The following UBE4B variants were observed in gnomAD, a reference collection of about 807,000 sequenced individuals.
UBE4B encodes the protein ubiquitin conjugation factor E4 B.
A neutral mutation model predicts 148.1 loss-of-function variants in UBE4B; 27 were observed. The observed-to-expected ratio is 0.18, with a 90% CI of 0.13 to 0.25. UBE4B has a LOEUF of 0.25. Ranked by LOEUF, UBE4B falls within the 10% of genes least tolerant of loss-of-function variation. The pLI, the probability that UBE4B is intolerant of heterozygous loss-of-function variation, is 1.00. For synonymous variants in UBE4B, 596 were observed against 619.3 expected (o/e 0.96, Z 0.56); for missense variants, 1,170 against 1,662.4 (o/e 0.70, Z 5.15).
chr1:10,177,527 G>A (rs1003643977), intron 25 of UBE4B, among the ~76,000 whole-genome samples: 8 of 152,038 alleles, frequency 5.3e-5, no homozygotes, highest in Admixed American at 4.6e-4. Context: ...ATAGTGGCAT[G>A]CACCTGTAGT....
Position 10,132,407 on chromosome 1 carries a change from T to C in UBE4B, c.1950T>C (p.Asn650=), listed in dbSNP as rs1461004422. 1 of 1,614,226 alleles carries C rather than the reference T, an allele frequency of 6.2e-7. No homozygotes were observed. Among genetic ancestry groups the C allele is most frequent in the Non-Finnish European group, 8.5e-7 (1 of 1,180,042 alleles). Residue 650 remains asparagine (N), a synonymous_variant, in exon 15 of 28, where the codon AAT becomes AAC. Coordinates refer to ENST00000343090, the MANE Select transcript of UBE4B (RefSeq NM_001105562.3). ...AGATTCTGCATAGTATTTTGTTAAATGGCGAAACCCGTGAGGCTGCTCTCA... is the reference window on the plus strand; with the variant it reads ...AGATTCTGCATAGTATTTTGTTAAACGGCGAAACCCGTGAGGCTGCTCTCA... The part of the protein sequence containing the change: ...LFKILHSILL[N]GETREAALSY...
rs780281209 is a variant in UBE4B, at chr1:10,135,000, T to C, written c.2038T>C (p.Leu680=). Residue 680 remains leucine (L), a synonymous_variant, in exon 16 of 28, where the codon TTG becomes CTG. Transcript: ENST00000343090. ...KKAQMQTDDR[L]VSTDGFMLNF... The stretch of plus-strand genomic sequence containing the variant: ...TCAACTTTCACAGACAGATGATAGA[T>C]TGGTGTCTACAGATGGATTTATGCT... 9 of 1,613,944 alleles carry C rather than the reference T, an allele frequency of 5.6e-6. No homozygotes were observed. The Admixed American group carries it at 8.3e-5, about 15-fold the overall frequency.
At chr1:10,043,421 CTTTTTTT>C (rs35513799) in intron 1 of UBE4B, among the ~76,000 whole-genome samples, 3 of 110,852 alleles carry the variant, frequency 2.7e-5, no homozygotes, top group Admixed American at 1.1e-4. Context: ...TGAGATGCTG[CTTTTTTT>C]TTTTTTTTTT....
intron 1 of UBE4B, among the ~76,000 whole-genome samples, chr1:10,067,298 TA>T (rs1200269239): frequency 6.6e-6 from 1 of 152,164 alleles, no homozygotes; most frequent in Non-Finnish European, 1.5e-5. Context: ...AGAAAAACTC[TA>T]GGAATGAGAT....
chr1:10,062,580 G>A (rs1425631501), intron 1 of UBE4B, among the ~76,000 whole-genome samples: 1 of 151,508 alleles, frequency 6.6e-6, no homozygotes, highest in Non-Finnish European at 1.5e-5. Context: ...CCAAAGTGTT[G>A]GGGCTGCAGG....
chr1:10,142,786 C>G (rs1418276022), intron 17 of UBE4B, among the ~76,000 whole-genome samples: 3 of 152,130 alleles, frequency 2.0e-5, no homozygotes, highest in South Asian at 2.1e-4. Context: ...CCCCACCCCA[C>G]CCCACCTTAC....
rs773899176 is a variant in UBE4B, at chr1:10,095,540, T to G, written c.291T>G (p.Ser97=). Residue 97 remains serine, a synonymous_variant, in exon 3 of 28, where the codon TCT becomes TCG. Transcript: ENST00000343090. ...CCTCTAATAGCCTTGAAACGCAATC[T>G]CAGTCTCTCTCACGTTCCCAGAGCA... ...SSPSNSLETQ[S]QSLSRSQSMD... is the part of the protein sequence containing the mutation. 1.2e-6 allele frequency: 2 copies of G among 1,614,032 alleles called. No individual in the cohort carries two copies. Among genetic ancestry groups the G allele is most frequent in the African/African-American group, 2.7e-5 (2 of 74,904 alleles).
chr1:10,150,842 A>G (rs1645960925), intron 20 of UBE4B, among the ~76,000 whole-genome samples: 1 of 144,614 alleles, frequency 6.9e-6, no homozygotes, highest in Admixed American at 7.2e-5. Context: ...CCTGGGCAAC[A>G]CAGCGAGGCT....
chr1:10,149,214 C>G lies in UBE4B; in HGVS notation c.2622C>G (p.Pro874=), dbSNP rs771076432. Residue 874 remains proline (P), a synonymous_variant, in exon 20 of 28, where the codon CCC becomes CCG. Transcript: ENST00000343090. ...DITLPLNSDV[P]KVFAALPEFY... is the part of the protein sequence containing the mutation. ...CACTGCCTTTAAATTCAGATGTCCC[C>G]AAGGTATTTGCAGCGTTGCCTGAGT... is the stretch of plus-strand genomic sequence containing the variant. 1.2e-6 allele frequency: 2 copies of G among 1,609,336 alleles called. No individual in the cohort carries two copies. Among genetic ancestry groups the G allele is most frequent in the Non-Finnish European group, 1.7e-6 (2 of 1,178,738 alleles).
intron 2 of UBE4B, among the ~76,000 whole-genome samples, chr1:10,077,124 G>T (rs1644597528): frequency 6.6e-6 from 1 of 152,136 alleles, no homozygotes; most frequent in Admixed American, 6.5e-5. Context: ...ACTTTTGAAG[G>T]CTTACAGCAG....
chr1:10,077,355 T>C (rs1223678450), intron 2 of UBE4B, among the ~76,000 whole-genome samples: 1 of 152,176 alleles, frequency 6.6e-6, no homozygotes, highest in East Asian at 1.9e-4. Flanking sequence ...TTCCCTCTTA[T>C]GACAGCCACT....
chr1:10,055,814 G>A (rs1644156393), intron 1 of UBE4B, among the ~76,000 whole-genome samples: 1 of 152,158 alleles, frequency 6.6e-6, no homozygotes. Context: ...CAGCTACTTG[G>A]GAGGCTGAGG....
At chr1:10,158,958 C>T (rs745814211) in intron 22 of UBE4B, among the ~76,000 whole-genome samples, 15 of 147,634 alleles carry the variant, frequency 1.0e-4, no homozygotes, top group African/African-American at 3.3e-4. Context: ...TGCAGTGAGC[C>T]GAGATTGTGC....
In UBE4B at chr1:10,126,829, T is replaced by C. The variant is rs1645507188; in HGVS notation, c.1590T>C (p.Ala530=). 1.2e-6 allele frequency: 2 copies of C among 1,614,052 alleles called. No homozygotes were observed. The highest frequency in any genetic ancestry group is 1.7e-6 in the Non-Finnish European group (2 of 1,180,026). The change falls in exon 11 of 28, where the codon GCT becomes GCC. Residue 530 remains alanine, a synonymous_variant. Transcript: ENST00000343090. ...CCATTTTACAAGGCCTGGCTCTTGC[T>C]GCCAAAGAGTGCTCCCTCGACAGTG... is the stretch of plus-strand genomic sequence containing the variant. The part of the protein sequence containing the change: ...FIPILQGLAL[A]AKECSLDSDY...
At chr1:10,052,487 C>T (rs1047123362) in intron 1 of UBE4B, among the ~76,000 whole-genome samples, 21 of 152,116 alleles carry the variant, frequency 1.4e-4, no homozygotes, top group African/African-American at 3.4e-4. Flanking sequence ...GAGCACCCAT[C>T]GTGCCAGGCA....
intron 2 of UBE4B, among the ~76,000 whole-genome samples, chr1:10,084,672 T>C (rs1372324803): frequency 1.3e-5 from 2 of 152,066 alleles, no homozygotes; most frequent in Non-Finnish European, 2.9e-5. Flanking sequence ...CCTTTAGTTT[T>C]CCTTTTTTTC....
intron 19 of UBE4B, 35 bp from the exon 20 acceptor site, chr1:10,149,149 C>A: frequency 2.7e-6 from 4 of 1,465,044 alleles, no homozygotes; most frequent in South Asian, 2.5e-5. Context: ...ACCATAATTT[C>A]ATTTAATAAA....
rs139160510 is a variant in UBE4B, at chr1:10,102,357, T to A, written c.436-591T>A. 4.5e-3 allele frequency among the ~76,000 whole-genome samples: 677 copies of A among 150,342 alleles called. 2 individuals are homozygous for A. The highest frequency in any genetic ancestry group is 0.01 in the Middle Eastern group (3 of 290). On this transcript the variant is annotated intron_variant, in intron 4 of 27. Coordinates refer to ENST00000343090, the MANE Select transcript of UBE4B (RefSeq NM_001105562.3). ...GGATATGTACATCCTCTGTCACATA[T>A]TTTTCCTTGGTGACTTTTGATAATG...
rs1457330708 is a variant in UBE4B at position 10,174,135 on chromosome 1, C to T, written c.3525+2806C>T. Among the ~76,000 whole-genome samples the T allele has an allele frequency of 2.0e-5, 3 of 152,158 alleles. No individual in the cohort carries two copies. The South Asian group carries it at 6.2e-4, about 32-fold the overall frequency. On this transcript the variant is annotated intron_variant, in intron 25 of 27. Transcript: ENST00000343090. ...TTGGGGCTGGGCGCAGTGGCTGACA[C>T]CTGTAATCCCAGCACTTTGGGAGGC...
Sources: allele counts gnomAD v4.1 joint callset (sites outside exome capture counted in the v4.1 genomes callset), GRCh38; gene constraint gnomAD v4.1.1; transcripts MANE v1.5; gene names NCBI Gene and HGNC (gene_info 2026-07-23, HGNC 2026-07-21).